ATF2: variants seen among roughly 807,000 people sequenced by gnomAD.
The protein encoded by ATF2 is cyclic AMP-dependent transcription factor ATF-2.
A neutral mutation model predicts 60.6 loss-of-function variants in ATF2; 24 were observed. The observed-to-expected ratio is 0.40, with a 90% CI of 0.29 to 0.56. ATF2 has a LOEUF of 0.56. Among genes scored for constraint, ATF2 ranks in the 20% least tolerant of loss-of-function variants. The pLI is 0.54. For missense variants in ATF2, 433 were observed against 607.7 expected, an observed-to-expected ratio of 0.71 and a Z score of 3.02; for synonymous variants, 206 against 215.4, an observed-to-expected ratio of 0.96 and a Z score of 0.38.
intron 1 of ATF2, among the ~76,000 whole-genome samples, chr2:175,163,909 A>G: frequency 6.7e-6 from 1 of 148,608 alleles, no homozygotes; most frequent in Non-Finnish European, 1.5e-5. Flanking sequence ...TGACATAGCA[A>G]CTCCGTCTCA....
intron 10 of ATF2, among the ~76,000 whole-genome samples, chr2:175,107,753 G>A (rs1231096900): frequency 6.6e-6 from 1 of 152,160 alleles, no homozygotes; most frequent in Non-Finnish European, 1.5e-5. Flanking sequence ...TTTTTTGGTG[G>A]AGACGGGGTT....
intron 2 of ATF2, among the ~76,000 whole-genome samples, chr2:175,141,012 A>ATATAT (rs1698475156): frequency 9.5e-6 from 1 of 104,968 alleles, no homozygotes; most frequent in South Asian, 3.0e-4. Flanking sequence ...AAAAAAAAAA[A>ATATAT]AAAAAAAAAA....
Position 175,136,466 on chromosome 2 carries a change from C to A in ATF2, c.-23G>T, listed in dbSNP as rs769824178. ...CATAAGTTGAATAACTTATCACATT[C>A]TTTTTCTCATGGCAAGAATACTGAA... On this transcript the variant is annotated 5_prime_UTR_variant, in exon 3 of 14. Transcript: ENST00000264110. The A allele has an allele frequency of 3.1e-6, 5 of 1,603,882 alleles. No individual in the cohort carries two copies. In the African/African-American group the frequency reaches 4.0e-5, roughly 13 times the overall value.
intron 4 of ATF2, among the ~76,000 whole-genome samples, chr2:175,123,557 T>C (rs1697113678): frequency 6.6e-6 from 1 of 151,974 alleles, no homozygotes; most frequent in East Asian, 1.9e-4. Context: ...AATATTCAAA[T>C]CAAAGAACTG....
At chr2:175,104,336 A>G (rs529591266) in intron 10 of ATF2, among the ~76,000 whole-genome samples, 2 of 152,336 alleles carry the variant, frequency 1.3e-5, no homozygotes, top group East Asian at 3.9e-4. Flanking sequence ...AAGGTCTAAT[A>G]AATTCTTGAG....
rs766364606 is a variant in ATF2, at chr2:175,162,121, TG to T, written c.-143+5928del. Among the ~76,000 whole-genome samples, 25 of 152,330 alleles carry T rather than the reference TG, an allele frequency of 1.6e-4. No homozygotes were observed. In the South Asian group the frequency reaches 2.1e-3, roughly 13 times the overall value. On this transcript the variant is annotated intron_variant, in intron 1 of 13. Coordinates refer to ENST00000264110, the MANE Select transcript of ATF2 (RefSeq NM_001880.4). The stretch of plus-strand genomic sequence containing the variant: ...AGTGTACAAACCACATAAAACTGCA[TG>T]AAATCTAAGAATTATTGTTACCAGT...
chr2:175,074,526 G>T lies in ATF2; in HGVS notation c.*83C>A. On this transcript the variant is annotated 3_prime_UTR_variant, in exon 14 of 14. Coordinates refer to ENST00000264110, the MANE Select transcript of ATF2 (RefSeq NM_001880.4). ...AAAAAAATTTACAACCACAGATTTC[G>T]CATAAATGGAAACTGGTCTTTCCTT... The T allele has an allele frequency of 6.9e-7, 1 of 1,440,132 alleles. No individual in the cohort carries two copies. The highest frequency in any genetic ancestry group is 9.2e-7 in the Non-Finnish European group (1 of 1,081,316). 89.2% of individuals were successfully genotyped at this position (1,440,132 alleles called of 1,614,324 possible).
At chr2:175,142,670 C>G (rs1698626422) in intron 2 of ATF2, among the ~76,000 whole-genome samples, 1 of 145,766 alleles carries the variant, frequency 6.9e-6, no homozygotes, top group African/African-American at 2.6e-5. Context: ...TTCTAAAAAA[C>G]CCTAACGCTG....
chr2:175,107,063 T>G (rs921810447), intron 10 of ATF2, among the ~76,000 whole-genome samples: 1 of 152,000 alleles, frequency 6.6e-6, no homozygotes, highest in Non-Finnish European at 1.5e-5. Flanking sequence ...AGATCCAGGC[T>G]GCAGTGAGCC....
intron 13 of ATF2, among the ~76,000 whole-genome samples, chr2:175,077,580 A>G (rs955248508): frequency 6.6e-6 from 1 of 152,202 alleles, no homozygotes; most frequent in Admixed American, 6.5e-5. Flanking sequence ...AAAAATAAAG[A>G]GGCTGATCTG....
At chr2:175,097,701 C>CT in intron 10 of ATF2, 108 bp from the exon 11 acceptor site, 6 of 1,127,378 alleles carry the variant, frequency 5.3e-6, no homozygotes. Flanking sequence ...GTCCTTTTGC[C>CT]TAGTACTACT....
At chr2:175,090,968 T>C (rs1411667507) in intron 12 of ATF2, among the ~76,000 whole-genome samples, 1 of 152,184 alleles carries the variant, frequency 6.6e-6, no homozygotes, top group South Asian at 2.1e-4. Flanking sequence ...AAAGGGCTAA[T>C]AGTGGTAACC....
At chr2:175,086,267 T>C (rs992716289) in intron 12 of ATF2, among the ~76,000 whole-genome samples, 1 of 152,196 alleles carries the variant, frequency 6.6e-6, no homozygotes, top group African/African-American at 2.4e-5. Context: ...GTCGATTTCA[T>C]TAAAAGATGG....
intron 12 of ATF2, among the ~76,000 whole-genome samples, chr2:175,085,047 G>A (rs974052062): frequency 6.6e-6 from 1 of 152,138 alleles, no homozygotes; most frequent in Non-Finnish European, 1.5e-5. Flanking sequence ...CAGCTACACT[G>A]TTAATTTTCT....
intron 8 of ATF2, 184 bp from the exon 9 acceptor site, chr2:175,114,292 G>C: frequency 7.5e-7 from 1 of 1,327,720 alleles, no homozygotes; most frequent in Non-Finnish European, 9.6e-7. Context: ...CTGTGTAGCA[G>C]TATTGAAAAG....
intron 1 of ATF2, 113 bp downstream of exon 1, chr2:175,167,937 T>A (rs1700481551): frequency 2.8e-6 from 1 of 353,132 alleles, no homozygotes. Flanking sequence ...GCACCCGAGG[T>A]GATGGGAAAC....
chr2:175,136,283 A>G, intron 3 of ATF2, 129 bp downstream of exon 3: 1 of 866,972 alleles, frequency 1.2e-6, no homozygotes, highest in South Asian at 1.5e-5. Flanking sequence ...TAAACTACAT[A>G]CTAAGTAAGT....
chr2:175,081,344 A>T (rs925875616), intron 12 of ATF2, among the ~76,000 whole-genome samples: 16 of 152,296 alleles, frequency 1.1e-4, no homozygotes, highest in African/African-American at 3.8e-4. Flanking sequence ...GCTGCCTTTG[A>T]CCCAGGCAAT....
intron 12 of ATF2, among the ~76,000 whole-genome samples, chr2:175,091,529 A>G (rs1694547337): frequency 6.6e-6 from 1 of 152,214 alleles, no homozygotes; most frequent in Non-Finnish European, 1.5e-5. Context: ...AAATTTAGAA[A>G]TGTTTTCTAA....
Sources: allele counts gnomAD v4.1 joint callset (sites outside exome capture counted in the v4.1 genomes callset), GRCh38; gene constraint gnomAD v4.1.1; transcripts MANE v1.5; gene names NCBI Gene and HGNC (gene_info 2026-07-23, HGNC 2026-07-21).